The following PRUNE2 variants were observed in gnomAD, a reference collection of about 807,000 sequenced individuals.
The protein encoded by PRUNE2 is protein prune homolog 2.
In PRUNE2, 164 loss-of-function variants were observed where a neutral mutation model predicts 252.0. The ratio of observed to expected loss-of-function variants is 0.65; its 90% confidence interval spans 0.57 to 0.74. PRUNE2 has a LOEUF of 0.74. Ranked by LOEUF, PRUNE2 falls within the 30% of genes least tolerant of loss-of-function variation. PRUNE2 has a pLI of 0.00. For missense variants in PRUNE2, 3,495 were observed against 3,711.0 expected, an observed-to-expected ratio of 0.94 and a Z score of 1.51; for synonymous variants, 1,292 against 1,350.2, an observed-to-expected ratio of 0.96 and a Z score of 0.94.
intron 18 of PRUNE2, among the ~76,000 whole-genome samples, chr9:76,616,065 GC>G (rs61334265): frequency 0.95 from 144,013 of 152,088 alleles, 68,287 homozygotes; most frequent in East Asian, 1. Flanking sequence ...AGCATGCCCG[GC>G]CCCTCAGTGT....
chr9:76,728,321 C>T (rs1487022010), intron 6 of PRUNE2, among the ~76,000 whole-genome samples: 2 of 151,940 alleles, frequency 1.3e-5, no homozygotes, highest in Non-Finnish European at 2.9e-5. Flanking sequence ...TTCTCAACCC[C>T]GGCTATACCT....
At chr9:76,694,548 T>A (rs984092668) in intron 9 of PRUNE2, among the ~76,000 whole-genome samples, 16 of 152,200 alleles carry the variant, frequency 1.1e-4, no homozygotes, top group Admixed American at 2.6e-4. Flanking sequence ...AGTGATTAAG[T>A]TATTGTCATC....
intron 3 of PRUNE2, among the ~76,000 whole-genome samples, chr9:76,848,240 G>A (rs1482239867): frequency 1.3e-5 from 2 of 152,096 alleles, no homozygotes; most frequent in Non-Finnish European, 2.9e-5. Flanking sequence ...CTCCAGCCTG[G>A]GTGACAGAGC....
At chr9:76,642,426 G>A (rs1036724212) in intron 12 of PRUNE2, among the ~76,000 whole-genome samples, 1 of 152,184 alleles carries the variant, frequency 6.6e-6, no homozygotes, top group African/African-American at 2.4e-5. Context: ...CTGCCATCAT[G>A]CACCAATATT....
intron 9 of PRUNE2, among the ~76,000 whole-genome samples, chr9:76,670,565 C>A (rs1324732410): frequency 2.0e-5 from 3 of 152,150 alleles, no homozygotes; most frequent in African/African-American, 7.2e-5. Flanking sequence ...TCAAGGAGGC[C>A]TGCCTGCCTC....
In PRUNE2 at chr9:76,705,179, T is replaced by A. The variant is rs3739524; in HGVS notation, c.7095A>T (p.Leu2365Phe). 9.9e-6 allele frequency: 16 copies of A among 1,613,800 alleles called. No homozygotes were observed. Among genetic ancestry groups the A allele is most frequent in the Non-Finnish European group, 1.4e-5 (16 of 1,179,862 alleles). Residue 2365 changes from leucine (L) to phenylalanine (F), a missense_variant, in exon 8 of 19, where the codon TTA becomes TTT. Coordinates refer to ENST00000376718, the MANE Select transcript of PRUNE2 (RefSeq NM_015225.3). ...DVMGQNIDEDLLREPEHFLYG... is the reference protein window; with the variant it reads ...DVMGQNIDEDFLREPEHFLYG... ...ACAGGAAGTGTTCAGGCTCTCTCAG[T>A]AAATCTTCATCGATATTCTGGCCCA...
chr9:76,628,364 A>G (rs7035759), intron 16 of PRUNE2, among the ~76,000 whole-genome samples: 35,339 of 152,166 alleles, frequency 0.23, 4,325 homozygotes, highest in African/African-American at 0.29. Context: ...CAAGGAAACC[A>G]TTCCTCACCA....
At chr9:76,687,483 G>A in intron 9 of PRUNE2, 1 of 174,016 alleles carries the variant, frequency 5.7e-6, no homozygotes, top group South Asian at 1.1e-4. Context: ...CATGTGTTTG[G>A]TTTTCAATTT....
chr9:76,824,964 G>A (rs886129853), intron 5 of PRUNE2, among the ~76,000 whole-genome samples: 5 of 152,172 alleles, frequency 3.3e-5, no homozygotes, highest in Non-Finnish European at 7.3e-5. Flanking sequence ...TACACACAAG[G>A]ACATGCACAT....
chr9:76,799,808 G>T (rs1589290357), intron 6 of PRUNE2, among the ~76,000 whole-genome samples: 1 of 152,136 alleles, frequency 6.6e-6, no homozygotes, highest in East Asian at 1.9e-4. Context: ...GTTTGGTATG[G>T]TTTATAGTTT....
At chr9:76,827,208 A>C (rs2058394296) in intron 4 of PRUNE2, among the ~76,000 whole-genome samples, 1 of 152,294 alleles carries the variant, frequency 6.6e-6, no homozygotes, top group East Asian at 1.9e-4. Context: ...TGAATGTATA[A>C]TCCCACGGTC....
intron 6 of PRUNE2, chr9:76,788,349 C>T (rs1256953367): frequency 2.8e-6 from 2 of 703,428 alleles, no homozygotes; most frequent in Middle Eastern, 2.4e-4. Flanking sequence ...ATTGTGAATT[C>T]AGTTGATAGT....
chr9:76,778,872 C>A (rs1446839927), intron 6 of PRUNE2: 1 of 152,134 alleles, frequency 6.6e-6, no homozygotes, highest in East Asian at 1.9e-4. Flanking sequence ...TGTCATGGCC[C>A]AATTTATCCT....
At chr9:76,898,260 T>C (rs2062964130) in intron 1 of PRUNE2, among the ~76,000 whole-genome samples, 1 of 152,184 alleles carries the variant, frequency 6.6e-6, no homozygotes, top group African/African-American at 2.4e-5. Context: ...TCTCCCAGGA[T>C]CTGATTTAGG....
intron 6 of PRUNE2, among the ~76,000 whole-genome samples, chr9:76,800,241 C>G (rs1339201659): frequency 1.3e-5 from 2 of 152,056 alleles, no homozygotes; most frequent in Non-Finnish European, 2.9e-5. Context: ...TGATGTTCCC[C>G]TTCCTGTGTC....
At chr9:76,879,385 A>G (rs996408006) in intron 1 of PRUNE2, among the ~76,000 whole-genome samples, 14 of 152,202 alleles carry the variant, frequency 9.2e-5, no homozygotes, top group Non-Finnish European at 7.3e-5. Context: ...TGCTATACTC[A>G]ACAACATTTG....
At chr9:76,690,029 T>C (rs1475315506) in intron 9 of PRUNE2, among the ~76,000 whole-genome samples, 1 of 152,170 alleles carries the variant, frequency 6.6e-6, no homozygotes, top group Non-Finnish European at 1.5e-5. Context: ...AATGCCCCTC[T>C]TATGGGGCCA....
At chr9:76,905,255 C>T (rs2063416297) in intron 1 of PRUNE2, among the ~76,000 whole-genome samples, 2 of 152,200 alleles carry the variant, frequency 1.3e-5, no homozygotes, top group African/African-American at 4.8e-5. Context: ...ACTGTTTGGA[C>T]AGTGATATGG....
Position 76,810,087 on chromosome 9 carries a change from C to T in PRUNE2, c.756+13545G>A, listed in dbSNP as rs148311663. Among the ~76,000 whole-genome samples, 574 of 152,316 alleles carry T rather than the reference C, an allele frequency of 3.8e-3. 3 individuals are homozygous for T. The highest frequency in any genetic ancestry group is 7.0e-3 in the Admixed American group (107 of 15,300). On this transcript the variant is annotated intron_variant, in intron 6 of 18. Coordinates refer to ENST00000376718, the MANE Select transcript of PRUNE2 (RefSeq NM_015225.3). ...AGTGCCAGAACAATGGAGCATCATC[C>T]ACAGGTGCGCCTGGCATACGCATTT...
Sources: gnomAD v4.1 joint callset for allele counts (sites outside exome capture counted in the v4.1 genomes callset) on GRCh38, gnomAD v4.1.1 for gene constraint, MANE v1.5 for transcripts, NCBI Gene and HGNC (gene_info 2026-07-23, HGNC 2026-07-21) for gene names.